The following CDH17 variants were observed in gnomAD, a reference collection of about 807,000 sequenced individuals.
The protein encoded by CDH17 is cadherin 17, also known as cadherin-17.
Under a neutral mutation model 86.3 loss-of-function variants are expected in CDH17, and 67 were observed. The observed-to-expected ratio is 0.78, with a 90% CI of 0.64 to 0.95. The LOEUF is 0.95. Among genes scored for constraint, CDH17 ranks in the 40% least tolerant of loss-of-function variants. CDH17 has a pLI of 0.00. For missense variants in CDH17, 993 were observed against 1,017.6 expected (o/e 0.98, Z 0.33); for synonymous variants, 367 against 366.4 (o/e 1.00, Z -0.02).
intron 15 of CDH17, 141 bp downstream of exon 15, chr8:94,145,787 T>A (rs981441168): frequency 3.3e-6 from 3 of 904,272 alleles, no homozygotes; most frequent in Non-Finnish European, 5.0e-6. Context: ...AGTCCTTCCC[T>A]GTACAAGCTT....
In CDH17 at chr8:94,174,125, C is replaced by T. The variant is rs1813324470; in HGVS notation, c.560G>A (p.Gly187Glu). 6.2e-7 allele frequency: 1 copy of T among 1,613,638 alleles called. No individual in the cohort carries two copies. The highest frequency in any genetic ancestry group is 1.3e-5 in the African/African-American group (1 of 74,954). ...ACCCTCTCGGGTAAGAGAGATGGCT[C>T]CCGTTTTGTTGTTGATCTGAAAGTA... The part of the protein sequence containing the change: ...VMYFQINNKT[G>E]AISLTREGSQ... Residue 187 changes from glycine to glutamate, a missense_variant, in exon 6 of 18, where the codon GGA becomes GAA. Coordinates refer to ENST00000027335, the MANE Select transcript of CDH17 (RefSeq NM_004063.4).
chr8:94,129,280 T>C (rs1272217814), intron 17 of CDH17, among the ~76,000 whole-genome samples: 1 of 152,188 alleles, frequency 6.6e-6, no homozygotes, highest in African/African-American at 2.4e-5. Context: ...AAGGGACCTA[T>C]GTAAGTGAGT....
intron 15 of CDH17, among the ~76,000 whole-genome samples, chr8:94,131,685 G>T (rs542922170): frequency 2.6e-5 from 4 of 151,626 alleles, no homozygotes; most frequent in Non-Finnish European, 4.4e-5. Context: ...ACCCTGTGTG[G>T]TTTTTTTTAA....
intron 12 of CDH17, among the ~76,000 whole-genome samples, chr8:94,155,421 T>C (rs1447670161): frequency 6.6e-6 from 1 of 152,018 alleles, no homozygotes. Context: ...CACAGCTCTC[T>C]GTTCCTATCC....
At chr8:94,154,230 C>T (rs1225722575) in intron 12 of CDH17, among the ~76,000 whole-genome samples, 1 of 152,140 alleles carries the variant, frequency 6.6e-6, no homozygotes, top group Non-Finnish European at 1.5e-5. Context: ...ATTACAGAGC[C>T]ATGAAAGAGT....
At chr8:94,211,897 A>G (rs190809707), upstream of CDH17, among the ~76,000 whole-genome samples, 1 of 152,316 alleles carries the variant, frequency 6.6e-6, no homozygotes, top group East Asian at 1.9e-4. Flanking sequence ...ATTTAATTCA[A>G]TAATTCTAAA....
At chr8:94,145,841 T>C in intron 15 of CDH17, 87 bp downstream of exon 15, 1 of 1,399,950 alleles carries the variant, frequency 7.1e-7, no homozygotes. Context: ...GAAAGCTCTT[T>C]GCTGAGTACA....
Position 94,128,026 on chromosome 8 carries a change from G to A in CDH17, c.*214C>T. ...GAGAATCATGTGAACCCAGGAGGCG[G>A]AGGTTGCAGTGAGCTGGGATCACAC... On this transcript the variant is annotated 3_prime_UTR_variant, in exon 18 of 18. Coordinates refer to ENST00000027335, the MANE Select transcript of CDH17 (RefSeq NM_004063.4). The A allele has an allele frequency of 2.3e-6, 1 of 432,742 alleles. No homozygotes were observed. The highest frequency in any genetic ancestry group is 4.1e-6 in the Non-Finnish European group (1 of 242,970). The allele number at this position is 432,742 out of a possible 1,614,324, so 26.8% of individuals were successfully genotyped here. A position where few individuals can be genotyped will look rare whatever the true frequency, so the allele number is the denominator to read the frequency against.
rs2130577188 is a variant in CDH17, at chr8:94,137,757, A to T, written c.2168-6765T>A. 2.0e-5 allele frequency among the ~76,000 whole-genome samples: 3 copies of T among 152,348 alleles called. No individual in the cohort carries two copies. The South Asian group carries it at 6.2e-4, about 32-fold the overall frequency. On this transcript the variant is annotated intron_variant, in intron 15 of 17. Transcript: ENST00000027335. ...AGAGCTGGGAATATGTGTGTCCAGTATTTTTCACCACCCTGCCAGTGTCCA... is the reference window on the plus strand; with the variant it reads ...AGAGCTGGGAATATGTGTGTCCAGTTTTTTTCACCACCCTGCCAGTGTCCA...
At chr8:94,129,436 G>T (rs553595412) in intron 17 of CDH17, among the ~76,000 whole-genome samples, 8 of 152,156 alleles carry the variant, frequency 5.3e-5, no homozygotes, top group Middle Eastern at 3.4e-3. Flanking sequence ...AGTCCAGACT[G>T]AAGGGTATAA....
rs773313879 is a variant in CDH17, at chr8:94,130,983, G to T, written c.2177C>A (p.Ala726Asp). 6.4e-7 allele frequency: 1 copy of T among 1,553,436 alleles called. No individual in the cohort carries two copies. Among genetic ancestry groups the T allele is most frequent in the South Asian group, 1.1e-5 (1 of 89,798 alleles). ...WEVSKINGTHARLSTRHTEFE... is the reference protein window; with the variant it reads ...WEVSKINGTHDRLSTRHTEFE... ...CTCTGTGTGCCTGGTAGACAGTCGGGCATGAGTACCTGCCAGGACAGGAAA... is the reference window on the plus strand; with the variant it reads ...CTCTGTGTGCCTGGTAGACAGTCGGTCATGAGTACCTGCCAGGACAGGAAA... The change falls in exon 16 of 18, where the codon GCC (alanine) becomes GAC (aspartate). Residue 726 changes from alanine to aspartate, a missense_variant. By Grantham distance (126) the Ala-to-Asp change is moderately radical. Coordinates refer to ENST00000027335, the MANE Select transcript of CDH17 (RefSeq NM_004063.4).
intron 15 of CDH17, among the ~76,000 whole-genome samples, chr8:94,138,355 C>G (rs1812573391): frequency 6.6e-6 from 1 of 152,014 alleles, no homozygotes. Flanking sequence ...AGGCAATGGA[C>G]AGTGATTTCT....
intron 13 of CDH17, 69 bp from the exon 14 acceptor site, chr8:94,148,943 C>T (rs553085390): frequency 1.9e-5 from 26 of 1,384,880 alleles, no homozygotes; most frequent in East Asian, 7.3e-5. Flanking sequence ...CTAGTTTGTG[C>T]GTCAACTAAA....
At chr8:94,156,003 G>A (rs138766459) in intron 12 of CDH17, among the ~76,000 whole-genome samples, 3 of 152,272 alleles carry the variant, frequency 2.0e-5, no homozygotes, top group East Asian at 1.9e-4. Flanking sequence ...AGCCTTGTCC[G>A]GCCACGTGCA....
intron 15 of CDH17, among the ~76,000 whole-genome samples, chr8:94,139,899 TAAATA>T (rs1563565894): frequency 1.1e-3 from 150 of 137,588 alleles, no homozygotes; most frequent in Non-Finnish European, 1.9e-3. Context: ...AAATAAAAAA[TAAATA>T]AAAAAAAAGG....
chr8:94,154,661 G>C (rs558148308), intron 12 of CDH17, among the ~76,000 whole-genome samples: 1 of 152,160 alleles, frequency 6.6e-6, no homozygotes, highest in Non-Finnish European at 1.5e-5. Flanking sequence ...TGTCTTCTCC[G>C]TGTCGGCTTC....
At position 94,199,073 on chromosome 8, in the gene CDH17, ATATATATATATT is replaced by A. The variant is rs1389787713; in HGVS notation, c.-20-4380_-20-4369del. Among the ~76,000 whole-genome samples the A allele has an allele frequency of 3.2e-3, 43 of 13,494 alleles. No homozygotes were observed. In the South Asian group the frequency reaches 0.036, roughly 11 times the overall value. 8.9% of individuals were successfully genotyped at this position (13,494 alleles called of 152,430 possible). A position where few individuals can be genotyped will look rare whatever the true frequency, so the allele number is the denominator to read the frequency against. ...TATATATATATATATATATATATATATATATATATATTTTTTTTTTTTTATCATTTGTCTGTT... is the reference window on the plus strand; with the variant it reads ...TATATATATATATATATATATATATATTTTTTTTTTTATCATTTGTCTGTT... On this transcript the variant is annotated intron_variant, in intron 1 of 17. Coordinates refer to ENST00000027335, the MANE Select transcript of CDH17 (RefSeq NM_004063.4).
At chr8:94,199,101 T>C (rs1192897478) in intron 1 of CDH17, among the ~76,000 whole-genome samples, 1 of 141,630 alleles carries the variant, frequency 7.1e-6, no homozygotes, top group Non-Finnish European at 1.5e-5. Flanking sequence ...TTTTTTATCA[T>C]TTGTCTGTTA....
intron 12 of CDH17, among the ~76,000 whole-genome samples, chr8:94,155,040 G>C (rs1346333017): frequency 6.6e-6 from 1 of 152,088 alleles, no homozygotes; most frequent in African/African-American, 2.4e-5. Flanking sequence ...AGAAGGGTGG[G>C]AACTGTGTGT....
Sources: allele counts gnomAD v4.1 joint callset (sites outside exome capture counted in the v4.1 genomes callset), GRCh38; gene constraint gnomAD v4.1.1; transcripts MANE v1.5; gene names NCBI Gene and HGNC (gene_info 2026-07-23, HGNC 2026-07-21).